Variants in FSTL3 observed in about 807,000 individuals in gnomAD.
The protein encoded by FSTL3 is follistatin like 3, also known as follistatin-related protein 3.
In FSTL3, 21 loss-of-function variants were observed where a neutral mutation model predicts 28.1. That is an observed-to-expected ratio of 0.75 (90% CI 0.53 to 1.08). FSTL3 has a LOEUF of 1.08. Ranked by LOEUF, FSTL3 falls within the 50% of genes least tolerant of loss-of-function variation. The probability of loss-of-function intolerance (pLI) is 0.00; values close to 1 mark genes in which losing one functional copy is unlikely to be tolerated. For missense variants in FSTL3, 400 were observed against 380.9 expected (o/e 1.05, Z -0.42); for synonymous variants, 199 against 164.2 (o/e 1.21, Z -1.62).
At chr19:678,222 T>C (rs2031251677) in intron 2 of FSTL3, 1 of 535,210 alleles carries the variant, frequency 1.9e-6, no homozygotes. Context: ...CTGAGCTCTC[T>C]GCCTGGGTGG....
In FSTL3 at chr19:680,939, A is replaced by T. The variant is rs192300943; in HGVS notation, c.506-394A>T. 7.6e-3 allele frequency: 1,866 copies of T among 244,312 alleles called. 18 individuals are homozygous for T. The highest frequency in any genetic ancestry group is 0.011 in the Non-Finnish European group (1,442 of 129,798). 15.1% of individuals were successfully genotyped at this position (244,312 alleles called of 1,614,324 possible). ...GAGAGGGGCTTGTGGGTGTAACCAG[A>T]GGGGCATGATGGAACCAGGGGGGTG... On this transcript the variant is annotated intron_variant, in intron 3 of 4. Coordinates refer to ENST00000166139, the MANE Select transcript of FSTL3 (RefSeq NM_005860.3).
Position 677,777 on chromosome 19 carries a change from T to C in FSTL3, c.104-15T>C. On this transcript the variant is annotated splice_polypyrimidine_tract_variant and intron_variant, in intron 1 of 4. Coordinates refer to ENST00000166139, the MANE Select transcript of FSTL3 (RefSeq NM_005860.3). ...AGGAGTGGCCCAGGAGAGCACCCCG[T>C]TCCCCGGCCCGCAGGTGGTGTTTGC... 6.3e-7 allele frequency: 1 copy of C among 1,597,734 alleles called. No individual in the cohort carries two copies. The highest frequency in any genetic ancestry group is 8.5e-7 in the Non-Finnish European group (1 of 1,175,214).
intron 1 of FSTL3, 102 bp downstream of exon 1, chr19:676,628 G>A (rs1011599590): frequency 1.2e-5 from 4 of 332,836 alleles, no homozygotes; most frequent in Non-Finnish European, 2.0e-5. Flanking sequence ...CGGCGGCGGG[G>A]GCGAGGGCGG....
At chr19:677,578 G>T (rs1301545234) in intron 1 of FSTL3, among the ~76,000 whole-genome samples, 2 of 142,906 alleles carry the variant, frequency 1.4e-5, no homozygotes, top group South Asian at 2.3e-4. Context: ...GTGAGGCTGT[G>T]GGGGGGGGCA....
In FSTL3 at chr19:681,639, G is replaced by A. The variant is rs780234224; in HGVS notation, c.734-11G>A. 31 of 1,583,772 alleles carry A rather than the reference G, an allele frequency of 2.0e-5. No homozygotes were observed. The highest frequency in any genetic ancestry group is 3.6e-5 in the Admixed American group (2 of 55,094). ...GCCCTGCGCCCTCAATGCTCTTATC[G>A]ACCCTTGCAGGCACCCCTGAGGAGC... On this transcript the variant is annotated splice_polypyrimidine_tract_variant and intron_variant, in intron 4 of 4. Transcript: ENST00000166139.
rs889809233 is a variant in FSTL3, at chr19:680,435, G to T, written c.451G>T (p.Ala151Ser). The change falls in exon 3 of 5, where the codon GCG becomes TCG. Residue 151 changes from alanine to serine, a missense_variant. Ala to Ser is a moderately conservative substitution (Grantham distance 99). Coordinates refer to ENST00000166139, the MANE Select transcript of FSTL3 (RefSeq NM_005860.3). ...TYRDECELRAARCRGHPDLSV... is the reference protein window; with the variant it reads ...TYRDECELRASRCRGHPDLSV... ...CCGCGACGAGTGCGAGCTGCGCGCCGCGCGCTGCCGCGGCCACCCGGACCT... is the reference window on the plus strand; with the variant it reads ...CCGCGACGAGTGCGAGCTGCGCGCCTCGCGCTGCCGCGGCCACCCGGACCT... The T allele has an allele frequency of 1.6e-6, 2 of 1,264,858 alleles. No homozygotes were observed. The highest frequency in any genetic ancestry group is 1.6e-5 in the African/African-American group (1 of 64,372). The allele number at this position is 1,264,858 out of a possible 1,614,324, so 78.4% of individuals were successfully genotyped here. A position where few individuals can be genotyped will look rare whatever the true frequency, so the allele number is the denominator to read the frequency against.
chr19:681,738 C>A lies in FSTL3; in HGVS notation c.*30C>A. On this transcript the variant is annotated 3_prime_UTR_variant, in exon 5 of 5. Transcript: ENST00000166139. ...GCAGGACAGGCCTGGGCCTGGTGCC[C>A]GAGGCCCCCCATCATCCCCTGTTAT... The A allele has an allele frequency of 6.5e-7, 1 of 1,530,988 alleles. No individual in the cohort carries two copies. The highest frequency in any genetic ancestry group is 8.8e-7 in the Non-Finnish European group (1 of 1,130,626). The allele number at this position is 1,530,988 out of a possible 1,614,324, so 94.8% of individuals were successfully genotyped here.
intron 3 of FSTL3, 185 bp downstream of exon 3, chr19:680,674 T>G (rs866384757): frequency 6.3e-5 from 4 of 63,408 alleles, no homozygotes; most frequent in South Asian, 5.6e-4. Context: ...CGGGGCCTGC[T>G]GGAGGGGCGG....
intron 1 of FSTL3, among the ~76,000 whole-genome samples, chr19:677,054 C>T (rs1474108453): frequency 6.6e-6 from 1 of 152,146 alleles, no homozygotes; most frequent in Non-Finnish European, 1.5e-5. Context: ...CCTCAGTTTC[C>T]CCTCCTATGA....
chr19:677,284 G>T (rs1259604387), intron 1 of FSTL3, among the ~76,000 whole-genome samples: 1 of 152,214 alleles, frequency 6.6e-6, no homozygotes, highest in Non-Finnish European at 1.5e-5. Flanking sequence ...CGTCCCTGGG[G>T]AGACAGTGAG....
chr19:678,320 C>CACACCAGGGACCTTCACTGCAG (rs2031253452), intron 2 of FSTL3, among the ~76,000 whole-genome samples: 1 of 152,154 alleles, frequency 6.6e-6, no homozygotes, highest in Admixed American at 6.5e-5. Flanking sequence ...CCCAAATGTC[C>CACACCAGGGACCTTCACTGCAG]ACACCAGGGA....
chr19:677,858 C>T lies in FSTL3; in HGVS notation c.170C>T (p.Thr57Ile). 6.2e-7 allele frequency: 1 copy of T among 1,613,148 alleles called. No individual in the cohort carries two copies. Among genetic ancestry groups the T allele is most frequent in the Non-Finnish European group, 8.5e-7 (1 of 1,179,974 alleles). ...TCSLVLQTDV[T>I]RAECCASGNI... ...AGCCTGGTGCTCCAGACTGATGTCA[C>T]CCGGGCCGAGTGCTGTGCCTCCGGC... Residue 57 changes from threonine to isoleucine, a missense_variant, in exon 2 of 5, where the codon ACC (threonine) becomes ATC (isoleucine). Transcript: ENST00000166139.
At chr19:678,046 C>A in intron 2 of FSTL3, 69 bp downstream of exon 2, 2 of 1,468,416 alleles carry the variant, frequency 1.4e-6, no homozygotes, top group South Asian at 2.4e-5. Flanking sequence ...TCATGGTGGT[C>A]GAGGGCCGAA....
In FSTL3 at chr19:680,344, G is replaced by A. The variant is rs1478805017; in HGVS notation, c.360G>A (p.Glu120=). The change falls in exon 3 of 5, where the codon GAG becomes GAA. Residue 120 remains glutamate (E), a synonymous_variant. Transcript: ENST00000166139. ...CRMLGGRPRC[E]CAPDCSGLPA... is the part of the protein sequence containing the mutation. ...TGCTGGGGGGCCGCCCGCGCTGCGA[G>A]TGCGCGCCCGACTGCTCGGGGCTCC... 9 of 1,281,378 alleles carry A rather than the reference G, an allele frequency of 7.0e-6. No individual in the cohort carries two copies. Among genetic ancestry groups the A allele is most frequent in the Non-Finnish European group, 8.8e-6 (9 of 1,018,328 alleles). 79.4% of individuals were successfully genotyped at this position (1,281,378 alleles called of 1,614,324 possible). A position where few individuals can be genotyped will look rare whatever the true frequency, so the allele number is the denominator to read the frequency against.
In FSTL3 at chr19:682,022, A is replaced by G; in HGVS notation, c.*314A>G. 1 of 499,764 alleles carries G rather than the reference A, an allele frequency of 2.0e-6. No homozygotes were observed. Among genetic ancestry groups the G allele is most frequent in the South Asian group, 2.3e-5 (1 of 42,782 alleles). The allele number at this position is 499,764 out of a possible 1,614,324, so 31.0% of individuals were successfully genotyped here. A position where few individuals can be genotyped will look rare whatever the true frequency, so the allele number is the denominator to read the frequency against. On this transcript the variant is annotated 3_prime_UTR_variant, in exon 5 of 5. Coordinates refer to ENST00000166139, the MANE Select transcript of FSTL3 (RefSeq NM_005860.3). ...ATTCCACACTTCCGCTCCTTTGGGG[A>G]TAAACCTATTAATTATTGCTACTAT...
At position 682,073 on chromosome 19, in the gene FSTL3, GTA is replaced by G. The variant is rs1173702775; in HGVS notation, c.*366_*367del. 4.8e-6 allele frequency: 2 copies of G among 420,138 alleles called. No individual in the cohort carries two copies. The highest frequency in any genetic ancestry group is 3.9e-5 in the African/African-American group (2 of 50,994). 26.0% of individuals were successfully genotyped at this position (420,138 alleles called of 1,614,324 possible). ...CAAGAGGGCTGGGCATTCTCTGCTG[GTA>G]ATTCCTGAAGAGGCATGACTGCTTT... is the stretch of plus-strand genomic sequence containing the variant. On this transcript the variant is annotated 3_prime_UTR_variant, in exon 5 of 5. Transcript: ENST00000166139.
chr19:677,495 C>A (rs2031237758), intron 1 of FSTL3, among the ~76,000 whole-genome samples: 1 of 133,478 alleles, frequency 7.5e-6, no homozygotes, highest in South Asian at 2.3e-4. Context: ...AGGGGTTGGG[C>A]AGGGTGCCAG....
Position 680,497 on chromosome 19 carries a change from G to T in FSTL3, c.505+8G>T, listed in dbSNP as rs754789735. 1.2e-4 allele frequency: 147 copies of T among 1,242,224 alleles called. No homozygotes were observed. Among genetic ancestry groups the T allele is most frequent in the Middle Eastern group, 6.2e-4 (2 of 3,246 alleles). 77.0% of individuals were successfully genotyped at this position (1,242,224 alleles called of 1,614,324 possible). On this transcript the variant is annotated splice_region_variant and intron_variant, in intron 3 of 4. Transcript: ENST00000166139. The stretch of plus-strand genomic sequence containing the variant: ...ACCGGGGCCGCTGCCGCAGTACGTG[G>T]GGGCGTGGTCTGTGGAGGGGCGGGG...
At position 677,917 on chromosome 19, in the gene FSTL3, C is replaced by T. The variant is rs1375461715; in HGVS notation, c.229C>T (p.Pro77Ser). The T allele has an allele frequency of 6.2e-7, 1 of 1,613,670 alleles. No homozygotes were observed. Among genetic ancestry groups the T allele is most frequent in the Non-Finnish European group, 8.5e-7 (1 of 1,180,016 alleles). ...CACCGCCTGGTCCAACCTCACCCAC[C>T]CGGGGAACAAGATCAACCTCCTCGG... Reference protein sequence around the residue: ...IDTAWSNLTHPGNKINLLGFL... With the variant: ...IDTAWSNLTHSGNKINLLGFL... The change falls in exon 2 of 5, where the codon CCG becomes TCG. Residue 77 changes from proline (P) to serine (S), a missense_variant. By Grantham distance (74) the Pro-to-Ser change is moderately conservative. Transcript: ENST00000166139.
Sources: gnomAD v4.1 joint callset for allele counts (sites outside exome capture counted in the v4.1 genomes callset) on GRCh38, gnomAD v4.1.1 for gene constraint, MANE v1.5 for transcripts, NCBI Gene and HGNC (gene_info 2026-07-23, HGNC 2026-07-21) for gene names.